Variants in FGFR2 observed in about 807,000 individuals in gnomAD.
The protein encoded by FGFR2 is BEK fibroblast growth factor receptor.
A neutral mutation model predicts 95.9 loss-of-function variants in FGFR2; 19 were observed. The ratio of observed to expected loss-of-function variants is 0.20; its 90% CI spans 0.14 to 0.29. FGFR2 has a LOEUF of 0.29. Among genes scored for constraint, FGFR2 ranks in the 10% least tolerant of loss-of-function variants. The pLI, the probability that FGFR2 is intolerant of heterozygous loss-of-function variation, is 1.00. For synonymous variants in FGFR2, 392 were observed against 393.3 expected, an observed-to-expected ratio of 1.00 and a Z score of 0.04; for missense variants, 707 against 1,056.9, an observed-to-expected ratio of 0.67 and a Z score of 4.59.
intron 6 of FGFR2, among the ~76,000 whole-genome samples, chr10:121,523,632 T>C (rs563182261): frequency 1.4e-4 from 22 of 152,352 alleles, no homozygotes; most frequent in Non-Finnish European, 2.6e-4. Context: ...AGAAGGTTTA[T>C]TCCTTCACAC....
At chr10:121,597,524 C>A (rs1309886743) in intron 1 of FGFR2, among the ~76,000 whole-genome samples, 1 of 152,224 alleles carries the variant, frequency 6.6e-6, no homozygotes, top group African/African-American at 2.4e-5. Context: ...AAGGGGTCTC[C>A]GCAGGGCCTG....
At chr10:121,534,421 G>A (rs1294896243) in intron 6 of FGFR2, among the ~76,000 whole-genome samples, 1 of 144,056 alleles carries the variant, frequency 6.9e-6, no homozygotes, top group Non-Finnish European at 1.5e-5. Flanking sequence ...TTGAGATGGA[G>A]TTTCACTCTT....
At chr10:121,557,241 G>A (rs1411677528) in intron 4 of FGFR2, among the ~76,000 whole-genome samples, 1 of 152,208 alleles carries the variant, frequency 6.6e-6, no homozygotes, top group Non-Finnish European at 1.5e-5. Context: ...AGGAGACTGA[G>A]AAAGATATTC....
At chr10:121,529,607 T>C (rs1216587163) in intron 6 of FGFR2, among the ~76,000 whole-genome samples, 3 of 152,212 alleles carry the variant, frequency 2.0e-5, no homozygotes, top group East Asian at 1.9e-4. Flanking sequence ...GGGGCACCAT[T>C]TGACCTGTAG....
intron 13 of FGFR2, among the ~76,000 whole-genome samples, chr10:121,493,900 T>C (rs1846450769): frequency 6.6e-6 from 1 of 151,972 alleles, no homozygotes; most frequent in Non-Finnish European, 1.5e-5. Flanking sequence ...ACCATCCAGT[T>C]TTTCAAGCTG....
Position 121,516,599 on chromosome 10 carries a change from A to G in FGFR2, c.1084+720T>C, listed in dbSNP as rs41295559. On this transcript the variant is annotated intron_variant, in intron 8 of 17. Coordinates refer to ENST00000358487, the MANE Select transcript of FGFR2 (RefSeq NM_000141.5). Reference sequence around the variant, plus strand: ...AAGGAAATGACAAAGAGGCAGATGCATCAGAGAGGACAGTGTTTAATTTCA... The same window carrying G: ...AAGGAAATGACAAAGAGGCAGATGCGTCAGAGAGGACAGTGTTTAATTTCA... Among the ~76,000 whole-genome samples the G allele has an allele frequency of 4.7e-3, 714 of 152,346 alleles. 9 individuals carry two copies. Among genetic ancestry groups the G allele is most frequent in the African/African-American group, 0.016 (679 of 41,568 alleles).
chr10:121,500,767 A>C (rs1021763976), intron 11 of FGFR2, 59 bp downstream of exon 11: 17 of 1,605,982 alleles, frequency 1.1e-5, no homozygotes, highest in Non-Finnish European at 1.7e-6. Context: ...CACAAAAGGA[A>C]CTTTCTTGAT....
intron 9 of FGFR2, among the ~76,000 whole-genome samples, chr10:121,513,562 C>T (rs557359093): frequency 3.9e-5 from 6 of 152,190 alleles, no homozygotes; most frequent in African/African-American, 1.4e-4. Flanking sequence ...ACCATTTTTC[C>T]CTATTAGAAA....
chr10:121,570,311 T>C (rs1341623818), intron 2 of FGFR2, among the ~76,000 whole-genome samples: 2 of 152,212 alleles, frequency 1.3e-5, no homozygotes, highest in African/African-American at 2.4e-5. Context: ...GCCCTCCATG[T>C]TCATCCCCAC....
At chr10:121,537,590 G>A (rs1853041538) in intron 6 of FGFR2, among the ~76,000 whole-genome samples, 2 of 152,178 alleles carry the variant, frequency 1.3e-5, no homozygotes, top group African/African-American at 4.8e-5. Flanking sequence ...GAGACACTTC[G>A]TTTACAGAGG....
intron 2 of FGFR2, among the ~76,000 whole-genome samples, chr10:121,588,141 C>T (rs1000185284): frequency 4.6e-5 from 7 of 151,972 alleles, no homozygotes; most frequent in African/African-American, 1.7e-4. Context: ...AAACCAAATA[C>T]AGAAAACCAA....
chr10:121,547,007 T>C (rs192385199), intron 5 of FGFR2, among the ~76,000 whole-genome samples: 1 of 152,248 alleles, frequency 6.6e-6, no homozygotes, highest in Non-Finnish European at 1.5e-5. Flanking sequence ...GGTGGACCAC[T>C]TGAGGTCAGG....
Position 121,503,843 on chromosome 10 carries a change from C to T in FGFR2, c.1386G>A (p.Gly462=), listed in dbSNP as rs1389377087. The change falls in exon 10 of 18, where the codon GGG becomes GGA. Residue 462 remains glycine (G), a synonymous_variant. Transcript: ENST00000358487. ...SSTADTPMLA[G]VSEYELPEDP... ...CCTCTGGAAGTTCATACTCGGAGAC[C>T]CCTGCCAGCATGGGGGTGTCTGCCG... is the stretch of plus-strand genomic sequence containing the variant. The T allele has an allele frequency of 6.2e-7, 1 of 1,614,072 alleles. No individual in the cohort carries two copies. The highest frequency in any genetic ancestry group is 8.5e-7 in the Non-Finnish European group (1 of 1,180,016).
At chr10:121,565,741 GGGAA>G (rs1271026354) in intron 2 of FGFR2, 37 bp from the exon 3 acceptor site, 2 of 1,613,244 alleles carry the variant, frequency 1.2e-6, no homozygotes, top group Non-Finnish European at 1.7e-6. Context: ...GGAGACAGAT[GGGAA>G]GGAGGGAGAG....
chr10:121,545,507 T>C (rs1212233323), intron 5 of FGFR2, among the ~76,000 whole-genome samples: 1 of 152,190 alleles, frequency 6.6e-6, no homozygotes, highest in South Asian at 2.1e-4. Flanking sequence ...AGGCACCTGG[T>C]AAGTCACGAC....
chr10:121,498,436 A>G (rs1397745993), intron 12 of FGFR2, 59 bp downstream of exon 12: 1 of 1,147,012 alleles, frequency 8.7e-7, no homozygotes, highest in East Asian at 2.3e-5. Flanking sequence ...AGCCATTTCT[A>G]AAATGATTCA....
intron 2 of FGFR2, among the ~76,000 whole-genome samples, chr10:121,581,575 CAAAAAA>C (rs67205229): frequency 8.2e-6 from 1 of 122,004 alleles, no homozygotes; most frequent in East Asian, 2.3e-4. Flanking sequence ...CCATCTCTAC[CAAAAAA>C]AAAAAAAAAG....
chr10:121,485,491 C>G lies in FGFR2; in HGVS notation c.2099G>C (p.Gly700Ala), dbSNP rs2133799045. 1 of 1,614,056 alleles carries G rather than the reference C, an allele frequency of 6.2e-7. No homozygotes were observed. Among genetic ancestry groups the G allele is most frequent in the Non-Finnish European group, 8.5e-7 (1 of 1,180,010 alleles). ...GVLMWEIFTL[G>A]GSPYPGIPVE... ...GGGAATCCCTGGGTAGGGCGAGCCC[C>G]CTAAAGTGAAGATCTCCCACATTAA... is the stretch of plus-strand genomic sequence containing the variant. The change falls in exon 16 of 18, where the codon GGG becomes GCG. Residue 700 changes from glycine to alanine, a missense_variant. Transcript: ENST00000358487. The surrounding 1 kb of genome is among the most constrained non-coding windows in gnomAD (Gnocchi z 4.2).
At chr10:121,532,839 C>T (rs1852274784) in intron 6 of FGFR2, among the ~76,000 whole-genome samples, 1 of 152,200 alleles carries the variant, frequency 6.6e-6, no homozygotes, top group South Asian at 2.1e-4. Flanking sequence ...GGGGACTTCG[C>T]TCTGGTACGG....
Sources: allele counts gnomAD v4.1 joint callset (sites outside exome capture counted in the v4.1 genomes callset), GRCh38; gene constraint gnomAD v4.1.1; non-coding constraint Gnocchi (gnomAD v3.1); transcripts MANE v1.5; gene names NCBI Gene and HGNC (gene_info 2026-07-23, HGNC 2026-07-21).